Variants in ZFPM2 observed in about 807,000 individuals in gnomAD.
ZFPM2 encodes zinc finger protein ZFPM2.
Under a neutral mutation model 98.6 loss-of-function variants are expected in ZFPM2, and 20 were observed. That is an observed-to-expected ratio of 0.20 (90% confidence interval 0.14 to 0.29). The LOEUF (loss-of-function observed/expected upper bound fraction) is 0.29. Ranked by LOEUF, ZFPM2 falls within the 10% of genes least tolerant of loss-of-function variation. The probability of loss-of-function intolerance (pLI) is 1.00; values close to 1 mark genes in which losing one functional copy is unlikely to be tolerated. For missense variants in ZFPM2, 1,310 were observed against 1,388.6 expected (o/e 0.94, Z 0.90); for synonymous variants, 518 against 502.7 (o/e 1.03, Z -0.41).
intron 5 of ZFPM2, among the ~76,000 whole-genome samples, chr8:105,697,444 T>G (rs1039593976): frequency 1.3e-5 from 2 of 152,186 alleles, no homozygotes; most frequent in South Asian, 2.1e-4. Context: ...AGACAGCTTA[T>G]TAAAGGATTG....
At chr8:105,429,138 TAAC>T (rs543599738) in intron 2 of ZFPM2, among the ~76,000 whole-genome samples, 340 of 152,330 alleles carry the variant, frequency 2.2e-3, no homozygotes, top group Non-Finnish European at 4.1e-3. Context: ...ACTATATATT[TAAC>T]AACGCGATTT....
chr8:105,577,069 T>A (rs532311583), intron 4 of ZFPM2, among the ~76,000 whole-genome samples: 2 of 152,164 alleles, frequency 1.3e-5, no homozygotes, highest in Non-Finnish European at 2.9e-5. Context: ...AAATGACTAT[T>A]AAAATGTATT....
chr8:105,643,689 C>T (rs1425465506), intron 5 of ZFPM2, among the ~76,000 whole-genome samples: 3 of 152,134 alleles, frequency 2.0e-5, no homozygotes, highest in African/African-American at 7.2e-5. Flanking sequence ...CCTCAGTATA[C>T]GTGGTCTGAC....
chr8:105,675,407 G>A (rs184867326), intron 5 of ZFPM2, among the ~76,000 whole-genome samples: 273 of 152,304 alleles, frequency 1.8e-3, no homozygotes, highest in Non-Finnish European at 2.7e-3. Context: ...TCAAAATGCT[G>A]CAATGAAAGG....
intron 4 of ZFPM2, among the ~76,000 whole-genome samples, chr8:105,585,336 T>G (rs1179013968): frequency 6.6e-6 from 1 of 152,156 alleles, no homozygotes; most frequent in Non-Finnish European, 1.5e-5. Context: ...TAACCCCTCC[T>G]CCAAAAGTAT....
chr8:105,406,127 G>T (rs1437079852), intron 1 of ZFPM2, among the ~76,000 whole-genome samples: 1 of 152,122 alleles, frequency 6.6e-6, no homozygotes, highest in East Asian at 1.9e-4. Flanking sequence ...TGATGGGGTT[G>T]TTTTTTTCTT....
At chr8:105,629,148 G>C (rs1372549939) in intron 4 of ZFPM2, among the ~76,000 whole-genome samples, 1 of 152,180 alleles carries the variant, frequency 6.6e-6, no homozygotes, top group East Asian at 1.9e-4. Context: ...AGTGAATGGA[G>C]TTTGGTCCCA....
intron 5 of ZFPM2, among the ~76,000 whole-genome samples, chr8:105,663,617 A>G (rs1187271423): frequency 6.6e-6 from 1 of 152,184 alleles, no homozygotes; most frequent in Non-Finnish European, 1.5e-5. Context: ...AGCATATTGC[A>G]CTTCTCAAAG....
At chr8:105,731,311 TAC>T (rs2131014637) in intron 5 of ZFPM2, among the ~76,000 whole-genome samples, 1 of 151,626 alleles carries the variant, frequency 6.6e-6, no homozygotes, top group South Asian at 2.1e-4. Flanking sequence ...TACCATACTA[TAC>T]AGTTTCCTCT....
chr8:105,649,263 C>G (rs1443774250), intron 5 of ZFPM2, among the ~76,000 whole-genome samples: 1 of 152,162 alleles, frequency 6.6e-6, no homozygotes, highest in East Asian at 1.9e-4. Context: ...TGCTTATCAG[C>G]TTAAGGAGAT....
chr8:105,426,184 A>G (rs1169570592), intron 2 of ZFPM2, among the ~76,000 whole-genome samples: 1 of 152,122 alleles, frequency 6.6e-6, no homozygotes, highest in Non-Finnish European at 1.5e-5. Flanking sequence ...CTTTTTTCTT[A>G]ACGGGATTAA....
At chr8:105,709,589 T>C (rs1426860401) in intron 5 of ZFPM2, among the ~76,000 whole-genome samples, 1 of 152,118 alleles carries the variant, frequency 6.6e-6, no homozygotes, top group Non-Finnish European at 1.5e-5. Flanking sequence ...GGCAAATAAA[T>C]TGTAGTCCAG....
At chr8:105,517,707 CCACACACACACACACACACA>C (rs1554613621) in intron 3 of ZFPM2, among the ~76,000 whole-genome samples, 2 of 124,890 alleles carry the variant, frequency 1.6e-5, no homozygotes, top group Admixed American at 1.6e-4. Context: ...CACACACACA[CCACACACACACACACACACA>C]CACACACACA....
intron 3 of ZFPM2, among the ~76,000 whole-genome samples, chr8:105,507,217 A>G (rs777118024): frequency 2.1e-4 from 32 of 152,166 alleles, no homozygotes; most frequent in Non-Finnish European, 4.4e-4. Flanking sequence ...ATTCGTATCT[A>G]TGTCTTAACA....
intron 3 of ZFPM2, among the ~76,000 whole-genome samples, chr8:105,528,487 A>G (rs1354739213): frequency 7.9e-5 from 12 of 152,136 alleles, no homozygotes; most frequent in Admixed American, 6.6e-5. Context: ...GTTGCCATAC[A>G]TATTTACCAT....
chr8:105,694,799 A>G (rs907306005), intron 5 of ZFPM2, among the ~76,000 whole-genome samples: 14 of 152,172 alleles, frequency 9.2e-5, no homozygotes, highest in Admixed American at 8.5e-4. Context: ...TAAAATTATA[A>G]TTTTAAGAAA....
At chr8:105,471,916 A>G (rs1235145304) in intron 3 of ZFPM2, among the ~76,000 whole-genome samples, 1 of 152,168 alleles carries the variant, frequency 6.6e-6, no homozygotes, top group African/African-American at 2.4e-5. Context: ...TGACCTTCTC[A>G]CAGAATCATT....
chr8:105,680,090 G>A (rs1295859292), intron 5 of ZFPM2, among the ~76,000 whole-genome samples: 2 of 152,114 alleles, frequency 1.3e-5, no homozygotes, highest in Non-Finnish European at 2.9e-5. Flanking sequence ...AAATAGAGAT[G>A]ATGAAAATAT....
chr8:105,485,094 G>T (rs1227336493), intron 3 of ZFPM2, among the ~76,000 whole-genome samples: 6 of 152,130 alleles, frequency 3.9e-5, no homozygotes, highest in Admixed American at 2.0e-4. Flanking sequence ...TTATACATTG[G>T]TAAGTATCGC....
Sources: allele counts gnomAD v4.1 joint callset (sites outside exome capture counted in the v4.1 genomes callset), GRCh38; gene constraint gnomAD v4.1.1; transcripts MANE v1.5; gene names NCBI Gene and HGNC (gene_info 2026-07-23, HGNC 2026-07-21).